FNIP1: variants seen among roughly 807,000 people sequenced by gnomAD.
FNIP1 encodes the protein folliculin interacting protein 1.
A neutral mutation model predicts 124.5 loss-of-function variants in FNIP1; 40 were observed. The ratio of observed to expected loss-of-function variants is 0.32; its 90% CI spans 0.25 to 0.42. FNIP1 has a LOEUF of 0.42. FNIP1 is among the 10% of genes least tolerant of loss of function. The probability of loss-of-function intolerance (pLI) is 1.00; values close to 1 mark genes in which losing one functional copy is unlikely to be tolerated. For synonymous variants in FNIP1, 472 were observed against 470.6 expected (o/e 1.00, Z -0.04); for missense variants, 1,176 against 1,403.7 (o/e 0.84, Z 2.59).
At chr5:131,654,831 T>G (rs1767144656) in intron 15 of FNIP1, among the ~76,000 whole-genome samples, 1 of 152,122 alleles carries the variant, frequency 6.6e-6, no homozygotes, top group South Asian at 2.1e-4. Context: ...TATTGAGAAA[T>G]AAGAAGAGAA....
intron 14 of FNIP1, 49 bp from the exon 15 acceptor site, chr5:131,670,680 T>G (rs1767723621): frequency 7.3e-7 from 1 of 1,366,276 alleles, no homozygotes; most frequent in Admixed American, 2.5e-5. Flanking sequence ...ATAAATATAT[T>G]TAACCAGTAA....
At chr5:131,781,797 G>A (rs1772004735) in intron 1 of FNIP1, among the ~76,000 whole-genome samples, 1 of 152,092 alleles carries the variant, frequency 6.6e-6, no homozygotes, top group African/African-American at 2.4e-5. Context: ...TACGGATCAA[G>A]GAGTAATTCT....
Position 131,792,849 on chromosome 5 carries a change from C to G in FNIP1, c.92+3981G>C, listed in dbSNP as rs560384670. Among the ~76,000 whole-genome samples the G allele has an allele frequency of 5.0e-3, 428 of 86,184 alleles. 1 individual carries two copies. The highest frequency in any genetic ancestry group is 0.027 in the South Asian group (60 of 2,204). The allele number at this position is 86,184 out of a possible 152,430, so 56.5% of individuals were successfully genotyped here. A position where few individuals can be genotyped will look rare whatever the true frequency, so the allele number is the denominator to read the frequency against. ...AACACATTATGCATATGCAAGTATT[C>G]AAAAATCCAAAAAATTCCACAATCC... On this transcript the variant is annotated intron_variant, in intron 1 of 17. Coordinates refer to ENST00000510461, the MANE Select transcript of FNIP1 (RefSeq NM_133372.3).
chr5:131,736,274 C>G (rs1770300563), intron 2 of FNIP1, among the ~76,000 whole-genome samples: 1 of 152,086 alleles, frequency 6.6e-6, no homozygotes, highest in Non-Finnish European at 1.5e-5. Context: ...TGTACATTTT[C>G]TCTAATACTA....
Position 131,644,238 on chromosome 5 carries a change from AAACT to A in FNIP1, c.*443_*446del, listed in dbSNP as rs1387556369. ...CAGACATTAGCTGTTTTGAATTGCA[AAACT>A]AACAAATAATCAAGGTTTTATAGAT... On this transcript the variant is annotated 3_prime_UTR_variant, in exon 18 of 18. Transcript: ENST00000510461. 1 of 152,700 alleles carries A rather than the reference AAACT, an allele frequency of 6.5e-6. No individual in the cohort carries two copies. Among genetic ancestry groups the A allele is most frequent in the Non-Finnish European group, 1.5e-5 (1 of 68,312 alleles). The allele number at this position is 152,700 out of a possible 1,614,324, so 9.5% of individuals were successfully genotyped here.
chr5:131,699,022 AT>A lies in FNIP1; in HGVS notation c.1117-21del, dbSNP rs1768799911. The A allele has an allele frequency of 1.3e-6, 2 of 1,591,540 alleles. No homozygotes were observed. Among genetic ancestry groups the A allele is most frequent in the African/African-American group, 2.7e-5 (2 of 73,924 alleles). ...CATAGCCTTGAAAACAATCATTGAG[AT>A]AGTTAATTCTTATGTTAATCATGAG... On this transcript the variant is annotated intron_variant, in intron 10 of 17. Coordinates refer to ENST00000510461, the MANE Select transcript of FNIP1 (RefSeq NM_133372.3).
At chr5:131,780,477 ATTTTT>A (rs1202882362) in intron 1 of FNIP1, among the ~76,000 whole-genome samples, 1 of 151,592 alleles carries the variant, frequency 6.6e-6, no homozygotes, top group Non-Finnish European at 1.5e-5. Context: ...TTTTTATTTT[ATTTTT>A]ATTTTTATTT....
intron 1 of FNIP1, among the ~76,000 whole-genome samples, chr5:131,757,053 A>C (rs1200902483): frequency 6.6e-6 from 1 of 152,224 alleles, no homozygotes; most frequent in Non-Finnish European, 1.5e-5. Context: ...AGTGAGAAAG[A>C]AAAGTCAGGA....
At chr5:131,780,467 TTTTTA>T (rs1431770576) in intron 1 of FNIP1, among the ~76,000 whole-genome samples, 5 of 152,258 alleles carry the variant, frequency 3.3e-5, no homozygotes, top group South Asian at 4.1e-4. Flanking sequence ...ACTTTTTTTA[TTTTTA>T]TTTTATTTTT....
chr5:131,744,080 C>T (rs991844017), intron 2 of FNIP1, among the ~76,000 whole-genome samples: 16 of 150,324 alleles, frequency 1.1e-4, no homozygotes, highest in African/African-American at 3.9e-4. Context: ...GGCTGTTTAA[C>T]ATAAAAGAGA....
At chr5:131,671,483 T>C (rs1274535744) in intron 14 of FNIP1, 22 bp downstream of exon 14, 9 of 1,571,016 alleles carry the variant, frequency 5.7e-6, no homozygotes, top group African/African-American at 4.1e-5. Context: ...GGGCCCATTA[T>C]AGGTGAAAAC....
intron 1 of FNIP1, among the ~76,000 whole-genome samples, chr5:131,781,405 A>C (rs560651185): frequency 1.6e-4 from 24 of 152,374 alleles, no homozygotes; most frequent in African/African-American, 5.3e-4. Context: ...ATAGCCAGAC[A>C]GGAGAAATCA....
intron 1 of FNIP1, among the ~76,000 whole-genome samples, chr5:131,762,348 T>A (rs778785169): frequency 1.3e-5 from 2 of 152,024 alleles, no homozygotes; most frequent in Non-Finnish European, 2.9e-5. Flanking sequence ...AAACCACCCA[T>A]CTGATGAGGG....
intron 1 of FNIP1, among the ~76,000 whole-genome samples, chr5:131,748,008 T>G (rs1770740282): frequency 6.6e-6 from 1 of 151,850 alleles, no homozygotes; most frequent in Non-Finnish European, 1.5e-5. Context: ...TGCAGAAAGA[T>G]TTGTAGATAT....
At chr5:131,756,674 T>G (rs891431328) in intron 1 of FNIP1, among the ~76,000 whole-genome samples, 3 of 152,192 alleles carry the variant, frequency 2.0e-5, no homozygotes, top group African/African-American at 7.2e-5. Context: ...CAGGTAAGTA[T>G]GCAAGCTGGA....
At chr5:131,711,632 C>G (rs1769294365) in intron 6 of FNIP1, among the ~76,000 whole-genome samples, 2 of 152,168 alleles carry the variant, frequency 1.3e-5, no homozygotes, top group Non-Finnish European at 2.9e-5. Context: ...TGAGCCAGGA[C>G]TACAGGTGCA....
chr5:131,783,522 AAAG>A (rs553802775), intron 1 of FNIP1, among the ~76,000 whole-genome samples: 94 of 152,280 alleles, frequency 6.2e-4, no homozygotes, highest in African/African-American at 2.2e-3. Context: ...AAAGTTCTAA[AAAG>A]AAGTGATGCA....
chr5:131,696,092 T>C (rs907022332), intron 11 of FNIP1, among the ~76,000 whole-genome samples: 1 of 152,180 alleles, frequency 6.6e-6, no homozygotes, highest in African/African-American at 2.4e-5. Flanking sequence ...CTCAAGCAAA[T>C]AATCCTGATG....
rs572727853 is a variant in FNIP1 at position 131,770,035 on chromosome 5, A to G, written c.93-25345T>C. On this transcript the variant is annotated intron_variant, in intron 1 of 17. Transcript: ENST00000510461. ...CCCAGGTCTTCAACAATCCGTATCTATAACAAATTGAGGTTCATGCAGTAA... is the reference window on the plus strand; with the variant it reads ...CCCAGGTCTTCAACAATCCGTATCTGTAACAAATTGAGGTTCATGCAGTAA... Among the ~76,000 whole-genome samples, 5 of 152,354 alleles carry G rather than the reference A, an allele frequency of 3.3e-5. No homozygotes were observed. In the South Asian group the frequency reaches 6.2e-4, roughly 19 times the overall value.
Sources: gnomAD v4.1 joint callset for allele counts (sites outside exome capture counted in the v4.1 genomes callset) on GRCh38, gnomAD v4.1.1 for gene constraint, MANE v1.5 for transcripts, NCBI Gene and HGNC (gene_info 2026-07-23, HGNC 2026-07-21) for gene names.